Variants in SCNN1B observed in about 807,000 individuals in gnomAD.
The protein encoded by SCNN1B is sodium channel epithelial 1 subunit beta, also known as epithelial sodium channel subunit beta.
SCNN1B carries 46 observed loss-of-function variants against 65.3 expected under a neutral mutation model. That is an observed-to-expected ratio of 0.70 (90% confidence interval 0.56 to 0.90). The LOEUF is 0.90. SCNN1B is among the 40% of genes least tolerant of loss of function. SCNN1B has a pLI of 0.00. For synonymous variants in SCNN1B, 349 were observed against 330.6 expected (o/e 1.06, Z -0.60); for missense variants, 751 against 830.5 (o/e 0.90, Z 1.18).
chr16:23,306,505 A>G (rs1287428796), intron 1 of SCNN1B, among the ~76,000 whole-genome samples: 1 of 150,770 alleles, frequency 6.6e-6, no homozygotes. Flanking sequence ...CTCCAATTAT[A>G]CTCCTTATAA....
chr16:23,289,904 G>C (rs1436459757), intron 2 of SCNN1B, among the ~76,000 whole-genome samples: 1 of 152,064 alleles, frequency 6.6e-6, no homozygotes, highest in East Asian at 1.9e-4. Flanking sequence ...TCGAACTCCT[G>C]ATCTCAAATG....
chr16:23,293,601 T>C (rs1421363559), intron 2 of SCNN1B, among the ~76,000 whole-genome samples: 1 of 152,140 alleles, frequency 6.6e-6, no homozygotes, highest in African/African-American at 2.4e-5. Flanking sequence ...GCCTTGTAAA[T>C]GTATTTAATG....
At chr16:23,327,007 C>A (rs1262009749) in intron 1 of SCNN1B, among the ~76,000 whole-genome samples, 1 of 152,148 alleles carries the variant, frequency 6.6e-6, no homozygotes, top group Non-Finnish European at 1.5e-5. Context: ...GCCTCAAACT[C>A]CCAGACTCAA....
chr16:23,355,408 A>G lies in SCNN1B; in HGVS notation c.695A>G (p.Gln232Arg). Residue 232 changes from glutamine (Q) to arginine (R), a missense_variant, in exon 4 of 13, where the codon CAG becomes CGG. Gln to Arg is a conservative substitution (Grantham distance 43, BLOSUM62 1). Coordinates refer to ENST00000343070, the MANE Select transcript of SCNN1B (RefSeq NM_000336.3). ...QATNIFAQVP[Q>R]QELVEMSYPG... Reference sequence around the variant, plus strand: ...ACCAACATCTTTGCACAGGTGCCACAGCAGGAGCTAGTAGAGATGAGCTAC... The same window carrying G: ...ACCAACATCTTTGCACAGGTGCCACGGCAGGAGCTAGTAGAGATGAGCTAC... 6.2e-7 allele frequency: 1 copy of G among 1,614,192 alleles called. No homozygotes were observed. Among genetic ancestry groups the G allele is most frequent in the Admixed American group, 1.7e-5 (1 of 60,024 alleles).
intron 7 of SCNN1B, 49 bp downstream of exon 7, chr16:23,371,932 A>T (rs1489735826): frequency 1.5e-6 from 2 of 1,346,520 alleles, no homozygotes; most frequent in African/African-American, 1.4e-5. Flanking sequence ...GTCCGGGTTT[A>T]TGGGGCCAAG....
chr16:23,341,847 T>C (rs887016706), intron 1 of SCNN1B, among the ~76,000 whole-genome samples: 1 of 152,210 alleles, frequency 6.6e-6, no homozygotes, highest in Non-Finnish European at 1.5e-5. Flanking sequence ...GGAGAGGATG[T>C]GGAGAGATTA....
intron 1 of SCNN1B, among the ~76,000 whole-genome samples, chr16:23,347,616 G>A (rs1962216555): frequency 6.6e-6 from 1 of 152,148 alleles, no homozygotes; most frequent in Non-Finnish European, 1.5e-5. Flanking sequence ...ATACATTTAA[G>A]AAAGATTAAG....
At chr16:23,344,511 G>C (rs954491383) in intron 1 of SCNN1B, among the ~76,000 whole-genome samples, 1 of 152,234 alleles carries the variant, frequency 6.6e-6, no homozygotes, top group Admixed American at 6.5e-5. Context: ...CCATATGCTT[G>C]AGTCATGGCA....
chr16:23,301,374 G>C (rs889537332), upstream of SCNN1B, among the ~76,000 whole-genome samples: 3 of 124,444 alleles, frequency 2.4e-5, no homozygotes, highest in African/African-American at 7.9e-5. Flanking sequence ...AAAAAAGAAA[G>C]AAAGAAAGAA....
At chr16:23,309,770 C>T (rs973889257) in intron 1 of SCNN1B, among the ~76,000 whole-genome samples, 6 of 152,212 alleles carry the variant, frequency 3.9e-5, no homozygotes, top group Non-Finnish European at 7.3e-5. Flanking sequence ...TGGCAACACC[C>T]TCACAGACAC....
At chr16:23,375,332 G>A (rs969901794) in intron 7 of SCNN1B, among the ~76,000 whole-genome samples, 1 of 152,176 alleles carries the variant, frequency 6.6e-6, no homozygotes, top group African/African-American at 2.4e-5. Context: ...TAGCTTCCTC[G>A]GTGGCCTGTC....
intron 1 of SCNN1B, among the ~76,000 whole-genome samples, chr16:23,281,433 A>AAAAACAGAT (rs1282673353): frequency 5.9e-5 from 9 of 152,184 alleles, no homozygotes; most frequent in African/African-American, 2.2e-4. Flanking sequence ...ACTCTGTCTC[A>AAAAACAGAT]AAACAAATAA....
intron 10 of SCNN1B, among the ~76,000 whole-genome samples, chr16:23,377,637 C>T (rs924387967): frequency 3.9e-4 from 59 of 149,468 alleles, no homozygotes; most frequent in African/African-American, 1.4e-3. Flanking sequence ...TTCCTTCTCC[C>T]TTCCTTCCTC....
intron 1 of SCNN1B, among the ~76,000 whole-genome samples, chr16:23,280,020 ACT>A (rs1247189192): frequency 6.6e-6 from 1 of 152,144 alleles, no homozygotes; most frequent in Non-Finnish European, 1.5e-5. Flanking sequence ...ATTTTGCCAA[ACT>A]AAGGGATGCA....
intron 2 of SCNN1B, chr16:23,283,923 G>T (rs1327610170): frequency 6.6e-6 from 1 of 152,238 alleles, no homozygotes; most frequent in Admixed American, 6.5e-5. Context: ...CCAGTGAGAA[G>T]CTAAACCATG....
chr16:23,342,154 T>C (rs1962067362), intron 1 of SCNN1B, among the ~76,000 whole-genome samples: 1 of 152,188 alleles, frequency 6.6e-6, no homozygotes, highest in Admixed American at 6.5e-5. Context: ...TATTTAGCAA[T>C]AGAAAGAAAT....
chr16:23,350,545 G>C (rs1962286722), intron 2 of SCNN1B, among the ~76,000 whole-genome samples: 1 of 152,200 alleles, frequency 6.6e-6, no homozygotes, highest in African/African-American at 2.4e-5. Context: ...GATACAGCAG[G>C]TGCAGCTGGT....
At chr16:23,331,054 A>G (rs1961801021) in intron 1 of SCNN1B, among the ~76,000 whole-genome samples, 1 of 152,190 alleles carries the variant, frequency 6.6e-6, no homozygotes, top group South Asian at 2.1e-4. Context: ...GATACTTGCC[A>G]TGATTCATCT....
chr16:23,366,368 G>A (rs1215847944), intron 4 of SCNN1B, among the ~76,000 whole-genome samples: 1 of 147,078 alleles, frequency 6.8e-6, no homozygotes, highest in African/African-American at 2.6e-5. Flanking sequence ...ACTACTCCTG[G>A]CTTTTTATTT....
Sources: gnomAD v4.1 joint callset for allele counts (sites outside exome capture counted in the v4.1 genomes callset) on GRCh38, gnomAD v4.1.1 for gene constraint, MANE v1.5 for transcripts, NCBI Gene and HGNC (gene_info 2026-07-23, HGNC 2026-07-21) for gene names.